ARHGAP15: variants seen among roughly 807,000 people sequenced by gnomAD.
ARHGAP15 encodes Rho GTPase activating protein 15, also known as rho GTPase-activating protein 15.
Under a neutral mutation model 63.7 loss-of-function variants are expected in ARHGAP15, and 51 were observed. The observed-to-expected ratio is 0.80, with a 90% confidence interval of 0.64 to 1.01. The LOEUF is 1.01. ARHGAP15 is among the 50% of genes least tolerant of loss of function. ARHGAP15 has a pLI of 0.00. For missense variants in ARHGAP15, 560 were observed against 564.6 expected (o/e 0.99, Z 0.08); for synonymous variants, 191 against 193.8 (o/e 0.99, Z 0.12).
intron 12 of ARHGAP15, among the ~76,000 whole-genome samples, chr2:143,668,979 A>T (rs1682377635): frequency 6.6e-6 from 1 of 152,206 alleles, no homozygotes; most frequent in African/African-American, 2.4e-5. Context: ...AAGAATCAGA[A>T]TTTTAATTGT....
chr2:143,676,962 A>C (rs903412268), intron 12 of ARHGAP15, among the ~76,000 whole-genome samples: 1 of 152,250 alleles, frequency 6.6e-6, no homozygotes, highest in Non-Finnish European at 1.5e-5. Flanking sequence ...ATGTGTGCCT[A>C]TAATTAAATT....
intron 10 of ARHGAP15, among the ~76,000 whole-genome samples, chr2:143,538,145 T>A (rs973568828): frequency 6.6e-6 from 1 of 152,160 alleles, no homozygotes; most frequent in African/African-American, 2.4e-5. Flanking sequence ...GAAGCAATTG[T>A]GAATGGGAGT....
In ARHGAP15 at chr2:143,342,276, C is replaced by G. The variant is rs567606017; in HGVS notation, c.474+91676C>G. Among the ~76,000 whole-genome samples the G allele has an allele frequency of 5.3e-5, 8 of 152,044 alleles. No homozygotes were observed. In the South Asian group the frequency reaches 1.7e-3, roughly 32 times the overall value. ...AGTGTTTTCTCAAAAAGAAAGAACA[C>G]TCATAAGGGAAGTTTATATGTCTAG... is the stretch of plus-strand genomic sequence containing the variant. On this transcript the variant is annotated intron_variant, in intron 6 of 13. Transcript: ENST00000295095.
chr2:143,426,840 T>C (rs190386042), intron 6 of ARHGAP15, among the ~76,000 whole-genome samples: 2 of 152,220 alleles, frequency 1.3e-5, no homozygotes, highest in Non-Finnish European at 2.9e-5. Context: ...GATTTTCATA[T>C]GTATCTTCTG....
At chr2:143,381,574 C>G (rs535551534) in intron 6 of ARHGAP15, among the ~76,000 whole-genome samples, 1 of 152,312 alleles carries the variant, frequency 6.6e-6, no homozygotes, top group East Asian at 1.9e-4. Context: ...GAGGAATCCT[C>G]TACTTCCTGC....
At chr2:143,273,551 G>A (rs1279238548) in intron 6 of ARHGAP15, among the ~76,000 whole-genome samples, 2 of 152,058 alleles carry the variant, frequency 1.3e-5, no homozygotes, top group East Asian at 1.9e-4. Context: ...TAGTTAATAA[G>A]TATATGAACA....
intron 8 of ARHGAP15, among the ~76,000 whole-genome samples, chr2:143,464,903 A>T (rs1455435618): frequency 2.0e-5 from 3 of 152,134 alleles, no homozygotes; most frequent in African/African-American, 7.2e-5. Flanking sequence ...ATCTTATATA[A>T]GGCAATTACG....
At chr2:143,422,153 G>T (rs1279601374) in intron 6 of ARHGAP15, among the ~76,000 whole-genome samples, 1 of 152,064 alleles carries the variant, frequency 6.6e-6, no homozygotes, top group East Asian at 1.9e-4. Context: ...AGTGAAATAT[G>T]AATCCAATGC....
chr2:143,730,554 T>TAA (rs1685481520), intron 13 of ARHGAP15, among the ~76,000 whole-genome samples: 1 of 152,088 alleles, frequency 6.6e-6, no homozygotes, highest in Non-Finnish European at 1.5e-5. Context: ...CTAAGCCACT[T>TAA]AGGAAGTTGC....
At chr2:143,209,951 T>C (rs1259556577) in intron 3 of ARHGAP15, among the ~76,000 whole-genome samples, 1 of 146,702 alleles carries the variant, frequency 6.8e-6, no homozygotes, top group Non-Finnish European at 1.5e-5. Flanking sequence ...AACTCTAGAG[T>C]AGAGAAAAAG....
intron 6 of ARHGAP15, among the ~76,000 whole-genome samples, chr2:143,390,176 A>C (rs1282519241): frequency 6.6e-6 from 1 of 152,172 alleles, no homozygotes; most frequent in African/African-American, 2.4e-5. Context: ...ATTTATGAAC[A>C]ACTTCATCAA....
At chr2:143,659,890 G>GT (rs112934638) in intron 12 of ARHGAP15, among the ~76,000 whole-genome samples, 34,657 of 151,412 alleles carry the variant, frequency 0.23, 4,364 homozygotes, top group Middle Eastern at 0.3. Context: ...TTATCTTGGA[G>GT]TTTTTTTTTC....
chr2:143,648,283 T>A (rs552414172), intron 12 of ARHGAP15, among the ~76,000 whole-genome samples: 7 of 152,190 alleles, frequency 4.6e-5, no homozygotes, highest in Admixed American at 4.6e-4. Flanking sequence ...TATCCTGCTA[T>A]TTGTGTGCTT....
At chr2:143,551,147 T>G (rs1216488008) in intron 10 of ARHGAP15, among the ~76,000 whole-genome samples, 2 of 152,156 alleles carry the variant, frequency 1.3e-5, no homozygotes, top group Non-Finnish European at 2.9e-5. Flanking sequence ...ACAAAAAGAA[T>G]GAAAATAGAA....
intron 2 of ARHGAP15, among the ~76,000 whole-genome samples, chr2:143,161,293 A>G (rs994736856): frequency 2.6e-5 from 4 of 151,962 alleles, no homozygotes; most frequent in South Asian, 2.1e-4. Context: ...GTAATTAGCT[A>G]GAATGCTCAA....
intron 6 of ARHGAP15, among the ~76,000 whole-genome samples, chr2:143,288,777 G>T (rs1273633572): frequency 6.6e-6 from 1 of 151,758 alleles, no homozygotes; most frequent in Non-Finnish European, 1.5e-5. Context: ...CTCAGCAGAA[G>T]AGGATTGCTG....
At chr2:143,165,522 C>T (rs938176351) in intron 2 of ARHGAP15, among the ~76,000 whole-genome samples, 5 of 152,026 alleles carry the variant, frequency 3.3e-5, no homozygotes, top group African/African-American at 4.8e-5. Flanking sequence ...CTAATGTAAA[C>T]GCCAACATCA....
At chr2:143,676,939 G>A (rs894633716) in intron 12 of ARHGAP15, among the ~76,000 whole-genome samples, 1 of 152,170 alleles carries the variant, frequency 6.6e-6, no homozygotes, top group East Asian at 1.9e-4. Flanking sequence ...ATAAAGCAAG[G>A]TATAGTCAAA....
intron 10 of ARHGAP15, among the ~76,000 whole-genome samples, chr2:143,522,435 C>T (rs1694095248): frequency 1.3e-5 from 2 of 152,096 alleles, no homozygotes; most frequent in South Asian, 4.1e-4. Flanking sequence ...CATAATTAGC[C>T]AATGAAAAAC....
Sources: allele counts gnomAD v4.1 joint callset (sites outside exome capture counted in the v4.1 genomes callset), GRCh38; gene constraint gnomAD v4.1.1; transcripts MANE v1.5; gene names NCBI Gene and HGNC (gene_info 2026-07-23, HGNC 2026-07-21).